NDUFA11: variants seen among roughly 807,000 people sequenced by gnomAD.
NDUFA11 encodes the protein NADH dehydrogenase [ubiquinone] 1 alpha subcomplex subunit 11.
Under a neutral mutation model 11.3 loss-of-function variants are expected in NDUFA11, and 14 were observed. That is an observed-to-expected ratio of 1.24 (90% CI 0.82 to 1.94). The LOEUF (loss-of-function observed/expected upper bound fraction) is 1.94. Among genes scored for constraint, NDUFA11 ranks in the 30% most tolerant of loss-of-function variants. The probability of loss-of-function intolerance (pLI) is 0.00; values close to 1 mark genes in which losing one functional copy is unlikely to be tolerated. For synonymous variants in NDUFA11, 87 were observed against 85.6 expected, an observed-to-expected ratio of 1.02 and a Z score of -0.09; for missense variants, 204 against 200.3, an observed-to-expected ratio of 1.02 and a Z score of -0.11.
rs746676644 is a variant in NDUFA11 at position 5,894,841 on chromosome 19, C to A, written c.327G>T (p.Gly109=). 4 of 1,608,894 alleles carry A rather than the reference C, an allele frequency of 2.5e-6. No homozygotes were observed. Among genetic ancestry groups the A allele is most frequent in the Non-Finnish European group, 3.4e-6 (4 of 1,177,716 alleles). The change falls in exon 4 of 4, where the codon GGG becomes GGT. Residue 109 remains glycine, a synonymous_variant. Coordinates refer to ENST00000308961, the MANE Select transcript of NDUFA11 (RefSeq NM_175614.5). ...AGTACACGCAGGCGGCGGCGCCAAT[C>A]CCGTAGTTGTGCGCTGTGGGAGTGG... ...LTLGARTHNY[G]IGAAACVYFG...
At chr19:5,894,610 C>T (rs773821864), downstream of NDUFA11, 2 of 1,528,390 alleles carry the variant, frequency 1.3e-6, no homozygotes, top group Non-Finnish European at 1.8e-6. Context: ...CCCTTCCTCA[C>T]TCCCTCCCAG....
rs1599693030 is a variant in NDUFA11 at position 5,896,660 on chromosome 19, G to A, written c.191-85C>T. The A allele has an allele frequency of 1.9e-6, 3 of 1,541,954 alleles. No homozygotes were observed. The highest frequency in any genetic ancestry group is 1.4e-5 in the African/African-American group (1 of 72,898). On this transcript the variant is annotated intron_variant, in intron 2 of 3. Coordinates refer to ENST00000308961, the MANE Select transcript of NDUFA11 (RefSeq NM_175614.5). This position sits in a 1 kb window ranked among gnomAD's most constrained non-coding sequence, Gnocchi z 5.8. Reference sequence around the variant, plus strand: ...CGCTCACTGCCAGTGTCTGGATGGAGAGAGATGCCACGAGTCGGCTGCTCG... The same window carrying A: ...CGCTCACTGCCAGTGTCTGGATGGAAAGAGATGCCACGAGTCGGCTGCTCG...
Position 5,896,346 on chromosome 19 carries a change from C to A in NDUFA11, c.313+107G>T, listed in dbSNP as rs1425722631. 2 of 1,268,584 alleles carry A rather than the reference C, an allele frequency of 1.6e-6. No individual in the cohort carries two copies. Among genetic ancestry groups the A allele is most frequent in the Non-Finnish European group, 2.1e-6 (2 of 935,306 alleles). The allele number at this position is 1,268,584 out of a possible 1,614,324, so 78.6% of individuals were successfully genotyped here. ...AAATGGCTGGTGTTCAAGAAGGCTG[C>A]TTTACTTCTTGTCCGGGATGGAACA... is the stretch of plus-strand genomic sequence containing the variant. On this transcript the variant is annotated intron_variant, in intron 3 of 3. Transcript: ENST00000308961. This position sits in a 1 kb window ranked among gnomAD's most constrained non-coding sequence, Gnocchi z 5.8.
downstream of NDUFA11, chr19:5,894,626 C>A: frequency 6.5e-7 from 1 of 1,539,984 alleles, no homozygotes; most frequent in Non-Finnish European, 8.7e-7. Context: ...CCCAGATCCG[C>A]CCTCACCGGC....
intron 1 of NDUFA11, among the ~76,000 whole-genome samples, chr19:5,901,667 T>G (rs752424256): frequency 0.025 from 1,149 of 46,330 alleles, 12 homozygotes; most frequent in South Asian, 0.18. Flanking sequence ...TTTCTTTGGG[T>G]TTTTTTTTTT....
At chr19:5,900,910 C>CAAAAAAAAA (rs1305134254) in intron 1 of NDUFA11, among the ~76,000 whole-genome samples, 2 of 51,632 alleles carry the variant, frequency 3.9e-5, no homozygotes, top group Non-Finnish European at 4.1e-5. Context: ...GACTCCGTCT[C>CAAAAAAAAA]AAAAAAAAAA....
In NDUFA11 at chr19:5,900,906, G is replaced by A. The variant is rs536796576; in HGVS notation, c.97+2706C>T. Among the ~76,000 whole-genome samples the A allele has an allele frequency of 2.4e-3, 321 of 134,406 alleles. 2 individuals carry two copies. The highest frequency in any genetic ancestry group is 4.1e-3 in the Non-Finnish European group (266 of 64,560). The allele number at this position is 134,406 out of a possible 152,430, so 88.2% of individuals were successfully genotyped here. ...AGCCTGGGTGACAGAATGAGACTCC[G>A]TCTCAAAAAAAAAAAAAAAAAGAAA... is the stretch of plus-strand genomic sequence containing the variant. On this transcript the variant is annotated intron_variant, in intron 1 of 3. Transcript: ENST00000308961.
rs774174896 is a variant in NDUFA11 at position 5,896,561 on chromosome 19, C to T, written c.205G>A (p.Val69Met). Reference sequence around the variant, plus strand: ...CTGATGCAGGTGGTGAGGCCAAACACGGCCCCGACAGCAGCTGCGGGGTAG... The same window carrying T: ...CTGATGCAGGTGGTGAGGCCAAACATGGCCCCGACAGCAGCTGCGGGGTAG... ...YTFTAAAVGA[V>M]FGLTTCISAH... Residue 69 changes from valine to methionine, a missense_variant, in exon 3 of 4, where the codon GTG (valine) becomes ATG (methionine). By Grantham distance (21) the Val-to-Met change is conservative. Transcript: ENST00000308961. The surrounding 1 kb of genome is among the most constrained non-coding windows in gnomAD (Gnocchi z 5.8). 4.7e-5 allele frequency: 73 copies of T among 1,566,044 alleles called. No homozygotes were observed. Among genetic ancestry groups the T allele is most frequent in the African/African-American group, 6.8e-5 (5 of 73,748 alleles).
At chr19:5,897,206 C>T (rs941347065) in intron 1 of NDUFA11, among the ~76,000 whole-genome samples, 1 of 152,216 alleles carries the variant, frequency 6.6e-6, no homozygotes, top group Non-Finnish European at 1.5e-5. Context: ...CTTCCCCACT[C>T]CCCGCCAGGC....
At chr19:5,894,230 C>T (rs1373999715), downstream of NDUFA11, among the ~76,000 whole-genome samples, 1 of 152,346 alleles carries the variant, frequency 6.6e-6, no homozygotes, top group African/African-American at 2.4e-5. Flanking sequence ...CGGGGCTCTC[C>T]GCTCCAGTGC....
Position 5,896,966 on chromosome 19 carries a change from G to A in NDUFA11, c.129C>T (p.Leu43=). ...CTTCAAGGAAGGTGCCCGGAGGATT[G>A]AGTGTGACTCTGTAGGCAGCGGCGG... ...GLTAAAYRVT[L]NPPGTFLEGV... Residue 43 remains leucine (L), a synonymous_variant, in exon 2 of 4, where the codon CTC becomes CTT. Coordinates refer to ENST00000308961, the MANE Select transcript of NDUFA11 (RefSeq NM_175614.5). The surrounding 1 kb of genome is among the most constrained non-coding windows in gnomAD (Gnocchi z 5.8). The A allele has an allele frequency of 1.2e-6, 2 of 1,614,144 alleles. No homozygotes were observed. Among genetic ancestry groups the A allele is most frequent in the Non-Finnish European group, 1.7e-6 (2 of 1,180,032 alleles).
chr19:5,894,604 T>C, downstream of NDUFA11: 2 of 1,521,638 alleles, frequency 1.3e-6, no homozygotes, highest in Non-Finnish European at 1.8e-6. Context: ...TTATCTCCCT[T>C]CCTCACTCCC....
rs918983861 is a variant in NDUFA11, at chr19:5,896,240, G to A, written c.313+213C>T. 3 of 609,078 alleles carry A rather than the reference G, an allele frequency of 4.9e-6. No individual in the cohort carries two copies. The African/African-American group carries it at 5.6e-5, about 11-fold the overall frequency. 37.7% of individuals were successfully genotyped at this position (609,078 alleles called of 1,614,324 possible). The stretch of plus-strand genomic sequence containing the variant: ...GTGTGGCTGGAGCAGAGTGAGGAGG[G>A]GAGGGTGGGGAGGGGACAGGGCAGG... On this transcript the variant is annotated intron_variant, in intron 3 of 3. Coordinates refer to ENST00000308961, the MANE Select transcript of NDUFA11 (RefSeq NM_175614.5). This position sits in a 1 kb window ranked among gnomAD's most constrained non-coding sequence, Gnocchi z 5.8.
intron 3 of NDUFA11, chr19:5,895,110 T>G: frequency 2.0e-6 from 1 of 508,576 alleles, no homozygotes; most frequent in South Asian, 2.4e-5. Context: ...CACACTGACT[T>G]CCCCCTGCGA....
In NDUFA11 at chr19:5,901,215, A is replaced by G. The variant is rs78770619; in HGVS notation, c.97+2397T>C. ...CGCAGCCCACTCATTTTGTATTCAC[A>G]CATGAGGAATGCACACACTCTCTCA... On this transcript the variant is annotated intron_variant, in intron 1 of 3. Transcript: ENST00000308961. 1.5e-4 allele frequency: 142 copies of G among 963,166 alleles called. 1 individual carries two copies. The highest frequency in any genetic ancestry group is 1.4e-3 in the African/African-American group (84 of 58,382). 59.7% of individuals were successfully genotyped at this position (963,166 alleles called of 1,614,324 possible). A position where few individuals can be genotyped will look rare whatever the true frequency, so the allele number is the denominator to read the frequency against.
At chr19:5,893,256 G>A (rs1230365747), downstream of NDUFA11, 1 of 1,439,368 alleles carries the variant, frequency 6.9e-7, no homozygotes, top group Non-Finnish European at 9.4e-7. The surrounding 1 kb of genome is among the most constrained non-coding windows in gnomAD (Gnocchi z 4.1). Context: ...CCAGGAGTTT[G>A]AGACCAGCCT....
intron 1 of NDUFA11, among the ~76,000 whole-genome samples, chr19:5,897,340 G>A (rs1383015057): frequency 6.6e-6 from 1 of 152,150 alleles, no homozygotes; most frequent in Admixed American, 6.5e-5. Context: ...TCCACGTGGT[G>A]GACACAAGAA....
chr19:5,897,268 C>A (rs1326664562), intron 1 of NDUFA11, among the ~76,000 whole-genome samples: 1 of 152,238 alleles, frequency 6.6e-6, no homozygotes, highest in Non-Finnish European at 1.5e-5. Flanking sequence ...TGCAGAGCAC[C>A]TGCTGGGCGC....
At position 5,896,602 on chromosome 19, in the gene NDUFA11, G is replaced by T; in HGVS notation, c.191-27C>A. On this transcript the variant is annotated intron_variant, in intron 2 of 3. Coordinates refer to ENST00000308961, the MANE Select transcript of NDUFA11 (RefSeq NM_175614.5). This position sits in a 1 kb window ranked among gnomAD's most constrained non-coding sequence, Gnocchi z 5.8. ...TGCGGGGTAGACGGGAAGAGCAAGG[G>T]CCTCGAGACGGGCACAGCAGGAGCC... 1 of 1,556,604 alleles carries T rather than the reference G, an allele frequency of 6.4e-7. No individual in the cohort carries two copies. The highest frequency in any genetic ancestry group is 8.7e-7 in the Non-Finnish European group (1 of 1,151,012).
Sources: gnomAD v4.1 joint callset for allele counts (sites outside exome capture counted in the v4.1 genomes callset) on GRCh38, gnomAD v4.1.1 for gene constraint, Gnocchi (gnomAD v3.1) non-coding constraint, MANE v1.5 for transcripts, NCBI Gene and HGNC (gene_info 2026-07-23, HGNC 2026-07-21) for gene names.